TMEM8B: variants seen among roughly 807,000 people sequenced by gnomAD.
The protein encoded by TMEM8B is transmembrane protein 8B.
A neutral mutation model predicts 49.3 loss-of-function variants in TMEM8B; 29 were observed. The ratio of observed to expected loss-of-function variants is 0.59; its 90% CI spans 0.44 to 0.80. TMEM8B has a LOEUF of 0.80. Ranked by LOEUF, TMEM8B falls within the 30% of genes least tolerant of loss-of-function variation. The probability of loss-of-function intolerance (pLI) is 0.00; values close to 1 mark genes in which losing one functional copy is unlikely to be tolerated. For synonymous variants in TMEM8B, 264 were observed against 272.8 expected (o/e 0.97, Z 0.32); for missense variants, 575 against 658.5 (o/e 0.87, Z 1.39).
At chr9:35,840,825 G>C (rs1049444431) in intron 3 of TMEM8B, among the ~76,000 whole-genome samples, 6 of 152,160 alleles carry the variant, frequency 3.9e-5, no homozygotes, top group African/African-American at 9.7e-5. Context: ...GAATGCTCAG[G>C]GGGAGGGGTT....
In TMEM8B at chr9:35,830,015, C is replaced by CTG. The variant is rs1019275401; in HGVS notation, c.508+61_508+62dup. ...TGGGGTTCCGGCAGGGAGGGGTGGG[C>CTG]TGGAGAGATTCAGGAGAGGTGGGAC... On this transcript the variant is annotated intron_variant, in intron 1 of 12. Coordinates refer to ENST00000643932, the MANE Select transcript of TMEM8B (RefSeq NM_001042590.4). 6 of 413,548 alleles carry CTG rather than the reference C, an allele frequency of 1.5e-5. No homozygotes were observed. In the Admixed American group the frequency reaches 1.8e-4, roughly 12 times the overall value. 25.6% of individuals were successfully genotyped at this position (413,548 alleles called of 1,614,324 possible). A position where few individuals can be genotyped will look rare whatever the true frequency, so the allele number is the denominator to read the frequency against.
Position 35,834,282 on chromosome 9 carries a change from C to T in TMEM8B, c.509-179C>T, listed in dbSNP as rs1408826807. ...TTTGTTTTTTTTTAAATAAGATTAA[C>T]GTAAGGATTAAACCAGATGATGGCT... On this transcript the variant is annotated intron_variant, in intron 1 of 12. Transcript: ENST00000643932. Among the ~76,000 whole-genome samples, 4 of 151,874 alleles carry T rather than the reference C, an allele frequency of 2.6e-5. No homozygotes were observed. In the East Asian group the frequency reaches 7.7e-4, roughly 29 times the overall value.
rs1481071720 is a variant in TMEM8B at position 35,855,728 on chromosome 9, T to C, written c.*1888T>C. 6.6e-6 allele frequency: 1 copy of C among 152,226 alleles called. No homozygotes were observed. Among genetic ancestry groups the C allele is most frequent in the Non-Finnish European group, 1.5e-5 (1 of 68,058 alleles). 9.4% of individuals were successfully genotyped at this position (152,226 alleles called of 1,614,324 possible). ...TCTTTTATCTATGCCTTAAGCCTTTTCTGTTCCCTTCAGGACCTAGGCTTT... is the reference window on the plus strand; with the variant it reads ...TCTTTTATCTATGCCTTAAGCCTTTCCTGTTCCCTTCAGGACCTAGGCTTT... On this transcript the variant is annotated 3_prime_UTR_variant, in exon 13 of 13. Coordinates refer to ENST00000643932, the MANE Select transcript of TMEM8B (RefSeq NM_001042590.4).
intron 10 of TMEM8B, among the ~76,000 whole-genome samples, chr9:35,852,195 A>G (rs1015808150): frequency 2.6e-5 from 4 of 152,062 alleles, no homozygotes; most frequent in African/African-American, 9.7e-5. Context: ...ACTCTTCACT[A>G]TGTTCTCCAG....
intron 10 of TMEM8B, chr9:35,847,263 G>A: frequency 2.1e-6 from 2 of 957,086 alleles, no homozygotes; most frequent in South Asian, 1.5e-5. Flanking sequence ...CCACCCTGAG[G>A]GCTGAGGGGA....
In TMEM8B at chr9:35,842,242, C is replaced by A; in HGVS notation, c.1310-150C>A. On this transcript the variant is annotated intron_variant, in intron 5 of 12. Transcript: ENST00000643932. This position sits in a 1 kb window ranked among gnomAD's most constrained non-coding sequence, Gnocchi z 5.6. ...TCACCATTAGGAAACCCCTATAAAC[C>A]TGGATGCCCCACACTCCCAAGGGAC... 3.5e-6 allele frequency: 2 copies of A among 564,122 alleles called. No homozygotes were observed. The highest frequency in any genetic ancestry group is 1.9e-5 in the African/African-American group (1 of 52,652). The allele number at this position is 564,122 out of a possible 1,614,324, so 34.9% of individuals were successfully genotyped here.
rs901539029 is a variant in TMEM8B, at chr9:35,864,353, G to A, written c.*10513G>A. 6.6e-6 allele frequency: 1 copy of A among 152,160 alleles called. No individual in the cohort carries two copies. The highest frequency in any genetic ancestry group is 2.4e-5 in the African/African-American group (1 of 41,434). The allele number at this position is 152,160 out of a possible 1,614,324, so 9.4% of individuals were successfully genotyped here. A position where few individuals can be genotyped will look rare whatever the true frequency, so the allele number is the denominator to read the frequency against. On this transcript the variant is annotated 3_prime_UTR_variant, in exon 13 of 13. Transcript: ENST00000643932. ...TTAGGCTTCACAAATTATTTTAAAA[G>A]AAAAGATAGGGGCATAACAAGAAGA...
rs1831100260 is a variant in TMEM8B, at chr9:35,842,358, G to T, written c.1310-34G>T. The T allele has an allele frequency of 6.9e-7, 1 of 1,450,298 alleles. No individual in the cohort carries two copies. Among genetic ancestry groups the T allele is most frequent in the African/African-American group, 1.4e-5 (1 of 70,026 alleles). The allele number at this position is 1,450,298 out of a possible 1,614,324, so 89.8% of individuals were successfully genotyped here. A position where few individuals can be genotyped will look rare whatever the true frequency, so the allele number is the denominator to read the frequency against. On this transcript the variant is annotated intron_variant, in intron 5 of 12. Coordinates refer to ENST00000643932, the MANE Select transcript of TMEM8B (RefSeq NM_001042590.4). This position sits in a 1 kb window ranked among gnomAD's most constrained non-coding sequence, Gnocchi z 5.6. Reference sequence around the variant, plus strand: ...GAGTAAGTTCAGGACTGTAAAGGCTGCAGGCCCAAGCTCTGGTTTCCTCTG... The same window carrying T: ...GAGTAAGTTCAGGACTGTAAAGGCTTCAGGCCCAAGCTCTGGTTTCCTCTG...
In TMEM8B at chr9:35,853,764, T is replaced by A; in HGVS notation, c.2699T>A (p.Leu900Gln). ...CGGGCCCGGGGCTGTGGTTACCAGC[T>A]ATGCATCAACGAGCAGGAGGAGCTG... Reference protein sequence around the residue: ...GARARGCGYQLCINEQEELGL... With the variant: ...GARARGCGYQQCINEQEELGL... The change falls in exon 13 of 13, where the codon CTA (leucine) becomes CAA (glutamine). Residue 900 changes from leucine to glutamine, a missense_variant. Physicochemically the swap from Leu to Gln is moderately radical, Grantham distance 113. Coordinates refer to ENST00000643932, the MANE Select transcript of TMEM8B (RefSeq NM_001042590.4). This position sits in a 1 kb window ranked among gnomAD's most constrained non-coding sequence, Gnocchi z 4.2. 6.2e-7 allele frequency: 1 copy of A among 1,605,522 alleles called. No individual in the cohort carries two copies. The highest frequency in any genetic ancestry group is 8.5e-7 in the Non-Finnish European group (1 of 1,174,716).
intron 1 of TMEM8B, among the ~76,000 whole-genome samples, chr9:35,831,436 C>T (rs892268665): frequency 2.0e-5 from 3 of 152,174 alleles, no homozygotes; most frequent in African/African-American, 7.2e-5. Context: ...TGTTGCATGC[C>T]TCCCATAACG....
Position 35,853,148 on chromosome 9 carries a change from A to G in TMEM8B, c.2330A>G (p.Tyr777Cys). 6.2e-7 allele frequency: 1 copy of G among 1,613,872 alleles called. No individual in the cohort carries two copies. Among genetic ancestry groups the G allele is most frequent in the South Asian group, 1.1e-5 (1 of 91,080 alleles). ...TTGAGTCTCTTTCTCTAGGTGCTGTATTTGCTGGGAGCTATGCTGCTGTCC... is the reference window on the plus strand; with the variant it reads ...TTGAGTCTCTTTCTCTAGGTGCTGTGTTTGCTGGGAGCTATGCTGCTGTCC... Reference protein sequence around the residue: ...RLQPVVKQVLYLLGAMLLSMA... With the variant: ...RLQPVVKQVLCLLGAMLLSMA... The change falls in exon 12 of 13, where the codon TAT becomes TGT. Residue 777 changes from tyrosine (Y) to cysteine (C), a missense_variant. Tyr to Cys is a radical substitution (Grantham distance 194). Transcript: ENST00000643932. The surrounding 1 kb of genome is among the most constrained non-coding windows in gnomAD (Gnocchi z 4.2).
rs985921530 is a variant in TMEM8B at position 35,863,608 on chromosome 9, G to A, written c.*9768G>A. ...TCATCATTTTAGTGGCTAGCATGACGAAGTTTTATTTCTCATGCTACATGT... is the reference window on the plus strand; with the variant it reads ...TCATCATTTTAGTGGCTAGCATGACAAAGTTTTATTTCTCATGCTACATGT... On this transcript the variant is annotated 3_prime_UTR_variant, in exon 13 of 13. Coordinates refer to ENST00000643932, the MANE Select transcript of TMEM8B (RefSeq NM_001042590.4). 1 of 152,176 alleles carries A rather than the reference G, an allele frequency of 6.6e-6. No individual in the cohort carries two copies. The highest frequency in any genetic ancestry group is 1.5e-5 in the Non-Finnish European group (1 of 68,036). The allele number at this position is 152,176 out of a possible 1,614,324, so 9.4% of individuals were successfully genotyped here. A position where few individuals can be genotyped will look rare whatever the true frequency, so the allele number is the denominator to read the frequency against.
In TMEM8B at chr9:35,846,469, G is replaced by C. The variant is rs773611824; in HGVS notation, c.1854G>C (p.Arg618=). The C allele has an allele frequency of 4.4e-6, 7 of 1,599,764 alleles. No individual in the cohort carries two copies. Among genetic ancestry groups the C allele is most frequent in the Non-Finnish European group, 6.0e-6 (7 of 1,173,162 alleles). ...CAGGTGACTGCGAGTTTGTGCGCAGGTTCGTGCGGTGCCGCAACGCGACGG... is the reference window on the plus strand; with the variant it reads ...CAGGTGACTGCGAGTTTGTGCGCAGCTTCGTGCGGTGCCGCAACGCGACGG... ...ALRSLCGVGP[R]FVRCRNATAE... The change falls in exon 9 of 13, where the codon CGG becomes CGC. Residue 618 remains arginine, a splice_region_variant and synonymous_variant. Transcript: ENST00000643932.
rs1410625971 is a variant in TMEM8B, at chr9:35,858,857, G to A, written c.*5017G>A. On this transcript the variant is annotated 3_prime_UTR_variant, in exon 13 of 13. Coordinates refer to ENST00000643932, the MANE Select transcript of TMEM8B (RefSeq NM_001042590.4). ...ACCAGCAGTGTTCCCAATGGTAGCT[G>A]TTTTGTCATCCTGAGTCCCAGAGGG... 3 of 152,284 alleles carry A rather than the reference G, an allele frequency of 2.0e-5. No homozygotes were observed. Among genetic ancestry groups the A allele is most frequent in the Non-Finnish European group, 2.9e-5 (2 of 68,058 alleles). 9.4% of individuals were successfully genotyped at this position (152,284 alleles called of 1,614,324 possible).
chr9:35,849,596 T>C (rs1831954824), intron 10 of TMEM8B, among the ~76,000 whole-genome samples: 1 of 152,226 alleles, frequency 6.6e-6, no homozygotes, highest in Admixed American at 6.5e-5. Flanking sequence ...AGAATCTGGG[T>C]GAGCCTGACT....
chr9:35,842,379 C>A lies in TMEM8B; in HGVS notation c.1310-13C>A. Reference sequence around the variant, plus strand: ...GGCTGCAGGCCCAAGCTCTGGTTTCCTCTGCCCCACAGAGTGCCCACAGCC... The same window carrying A: ...GGCTGCAGGCCCAAGCTCTGGTTTCATCTGCCCCACAGAGTGCCCACAGCC... On this transcript the variant is annotated splice_polypyrimidine_tract_variant and intron_variant, in intron 5 of 12. Coordinates refer to ENST00000643932, the MANE Select transcript of TMEM8B (RefSeq NM_001042590.4). This position sits in a 1 kb window ranked among gnomAD's most constrained non-coding sequence, Gnocchi z 5.6. 2 of 1,499,816 alleles carry A rather than the reference C, an allele frequency of 1.3e-6. No individual in the cohort carries two copies. 92.9% of individuals were successfully genotyped at this position (1,499,816 alleles called of 1,614,324 possible).
At chr9:35,845,398 G>C in intron 6 of TMEM8B, 1 of 985,422 alleles carries the variant, frequency 1.0e-6, no homozygotes, top group Non-Finnish European at 1.2e-6. Context: ...ATGGCATCCT[G>C]TTGCCTTTAT....
In TMEM8B at chr9:35,856,770, G is replaced by A. The variant is rs999876175; in HGVS notation, c.*2930G>A. On this transcript the variant is annotated 3_prime_UTR_variant, in exon 13 of 13. Transcript: ENST00000643932. ...AGGTATGAGAGAGCCTAGGATGATG[G>A]TGATATTCTGATTTGGGGATGGTGG... is the stretch of plus-strand genomic sequence containing the variant. The A allele has an allele frequency of 1.3e-5, 2 of 152,444 alleles. No homozygotes were observed. The highest frequency in any genetic ancestry group is 2.1e-4 in the South Asian group (1 of 4,826). 9.4% of individuals were successfully genotyped at this position (152,444 alleles called of 1,614,324 possible).
chr9:35,853,314 C>G lies in TMEM8B; in HGVS notation c.2439+57C>G. On this transcript the variant is annotated intron_variant, in intron 12 of 12. Coordinates refer to ENST00000643932, the MANE Select transcript of TMEM8B (RefSeq NM_001042590.4). The surrounding 1 kb of genome is among the most constrained non-coding windows in gnomAD (Gnocchi z 4.2). ...CCCAGCAGGACTTGGGTGCTGGGCC[C>G]CAGGTATCTGGTCCCCAGTTTAAGG... 6.6e-7 allele frequency: 1 copy of G among 1,515,394 alleles called. No individual in the cohort carries two copies. The highest frequency in any genetic ancestry group is 9.1e-7 in the Non-Finnish European group (1 of 1,094,936). 93.9% of individuals were successfully genotyped at this position (1,515,394 alleles called of 1,614,324 possible). A position where few individuals can be genotyped will look rare whatever the true frequency, so the allele number is the denominator to read the frequency against.
Sources: gnomAD v4.1 joint callset for allele counts (sites outside exome capture counted in the v4.1 genomes callset) on GRCh38, gnomAD v4.1.1 for gene constraint, Gnocchi (gnomAD v3.1) non-coding constraint, MANE v1.5 for transcripts, NCBI Gene and HGNC (gene_info 2026-07-23, HGNC 2026-07-21) for gene names.